Variants in RMDN2 observed in about 807,000 individuals in gnomAD.
RMDN2 encodes regulator of microtubule dynamics protein 2.
In RMDN2, 61 loss-of-function variants were observed where a neutral mutation model predicts 52.8. That is an observed-to-expected ratio of 1.16 (90% CI 0.94 to 1.43). The LOEUF (loss-of-function observed/expected upper bound fraction) is 1.43. Ranked by LOEUF, RMDN2 falls within the 40% of genes most tolerant of loss-of-function variation. The pLI, the probability that RMDN2 is intolerant of heterozygous loss-of-function variation, is 0.00. For synonymous variants in RMDN2, 180 were observed against 153.1 expected, an observed-to-expected ratio of 1.18 and a Z score of -1.30; for missense variants, 592 against 475.3, an observed-to-expected ratio of 1.25 and a Z score of -2.28.
chr2:38,043,866 T>C (rs1681111672), intron 10 of RMDN2, among the ~76,000 whole-genome samples: 1 of 152,084 alleles, frequency 6.6e-6, no homozygotes, highest in Non-Finnish European at 1.5e-5. Flanking sequence ...TTGATGCTAT[T>C]ATTACTTTGA....
intron 10 of RMDN2, among the ~76,000 whole-genome samples, chr2:38,039,091 C>CAG (rs1477113693): frequency 2.1e-4 from 22 of 104,112 alleles, no homozygotes; most frequent in Non-Finnish European, 4.2e-4. Context: ...CACACACACA[C>CAG]ACAGAGAGAG....
At chr2:38,022,295 T>A (rs138710074), downstream of RMDN2, among the ~76,000 whole-genome samples, 3 of 152,364 alleles carry the variant, frequency 2.0e-5, no homozygotes, top group African/African-American at 7.2e-5. Flanking sequence ...TAGAACATTA[T>A]GCCTACTCCA....
At chr2:37,931,743 A>G (rs1339117615) in intron 2 of RMDN2, among the ~76,000 whole-genome samples, 1 of 151,668 alleles carries the variant, frequency 6.6e-6, no homozygotes, top group Non-Finnish European at 1.5e-5. Context: ...ATGTGGGTTC[A>G]AGAAGGATTT....
downstream of RMDN2, among the ~76,000 whole-genome samples, chr2:38,020,500 G>T (rs975462730): frequency 1.3e-5 from 2 of 152,250 alleles, no homozygotes; most frequent in African/African-American, 4.8e-5. Flanking sequence ...TCAGCCTGCG[G>T]GGAGGTGTGC....
At chr2:38,046,154 A>C (rs1558585552) in intron 10 of RMDN2, among the ~76,000 whole-genome samples, 1 of 152,256 alleles carries the variant, frequency 6.6e-6, no homozygotes, top group Non-Finnish European at 1.5e-5. Flanking sequence ...CCACATGCAC[A>C]GAGAAGACAC....
rs188344192 is a variant in RMDN2, at chr2:37,976,393, C to T, written c.730+1079C>T. On this transcript the variant is annotated intron_variant, in intron 4 of 10. Transcript: ENST00000354545. ...AATCTTTTGAATTCTTCATTTATTC[C>T]GAAGGCTTCTCATTTCCAGGCTTTT... is the stretch of plus-strand genomic sequence containing the variant. The T allele has an allele frequency of 1.3e-4, 20 of 152,234 alleles. No homozygotes were observed. In the East Asian group the frequency reaches 1.9e-3, roughly 15 times the overall value. The allele number at this position is 152,234 out of a possible 1,614,324, so 9.4% of individuals were successfully genotyped here.
chr2:37,976,127 A>G (rs1253946025), intron 4 of RMDN2, among the ~76,000 whole-genome samples: 1 of 152,248 alleles, frequency 6.6e-6, no homozygotes, highest in Non-Finnish European at 1.5e-5. Flanking sequence ...AACCTTGTTA[A>G]AAACTCTGTT....
At chr2:38,038,038 G>A (rs1680702311) in intron 10 of RMDN2, among the ~76,000 whole-genome samples, 2 of 152,114 alleles carry the variant, frequency 1.3e-5, no homozygotes, top group African/African-American at 4.8e-5. Flanking sequence ...TGACCTCCGA[G>A]GCTCCTGCCA....
chr2:37,930,773 G>T (rs1444748172), intron 2 of RMDN2, among the ~76,000 whole-genome samples: 1 of 152,228 alleles, frequency 6.6e-6, no homozygotes, highest in African/African-American at 2.4e-5. Flanking sequence ...TCCAGAGACA[G>T]AGGGGAGAGT....
At chr2:38,019,680 G>T (rs1438118794), downstream of RMDN2, among the ~76,000 whole-genome samples, 3 of 152,250 alleles carry the variant, frequency 2.0e-5, no homozygotes, top group African/African-American at 2.4e-5. Flanking sequence ...TTTAATCAGA[G>T]AAATTATGTT....
At chr2:37,990,897 G>A (rs1453864924) in intron 6 of RMDN2, among the ~76,000 whole-genome samples, 2 of 152,204 alleles carry the variant, frequency 1.3e-5, no homozygotes, top group African/African-American at 4.8e-5. Flanking sequence ...ATATTTGTAA[G>A]CTCACCTCAG....
rs774014679 is a variant in RMDN2, at chr2:38,066,942, T to C, written c.1714-40T>C. On this transcript the variant is annotated intron_variant, in intron 10 of 10. Coordinates refer to the RMDN2 transcript ENST00000234195. ...CCACGCCAAAGTTTCAATGCCATTTTGTGCAATTTTTACTTCTTTTCCTGT... is the reference window on the plus strand; with the variant it reads ...CCACGCCAAAGTTTCAATGCCATTTCGTGCAATTTTTACTTCTTTTCCTGT... 3.7e-6 allele frequency: 6 copies of C among 1,612,038 alleles called. No individual in the cohort carries two copies. The South Asian group carries it at 6.6e-5, about 18-fold the overall frequency.
chr2:38,066,557 T>C (rs1358578166), intron 10 of RMDN2, among the ~76,000 whole-genome samples: 1 of 152,176 alleles, frequency 6.6e-6, no homozygotes, highest in Non-Finnish European at 1.5e-5. Context: ...CCAGTGAACT[T>C]CTGTTGCACT....
chr2:37,959,908 G>A (rs1014348613), intron 2 of RMDN2, among the ~76,000 whole-genome samples: 2 of 146,162 alleles, frequency 1.4e-5, no homozygotes, highest in African/African-American at 5.6e-5. Flanking sequence ...TATTCACCCA[G>A]TAGTGATTCA....
At chr2:38,047,447 C>G (rs1318981172) in intron 10 of RMDN2, among the ~76,000 whole-genome samples, 1 of 152,174 alleles carries the variant, frequency 6.6e-6, no homozygotes, top group Non-Finnish European at 1.5e-5. Flanking sequence ...AAAAAATGTA[C>G]TACTGATACA....
chr2:37,979,629 C>T (rs911425308), intron 4 of RMDN2, among the ~76,000 whole-genome samples: 1 of 152,058 alleles, frequency 6.6e-6, no homozygotes, highest in Admixed American at 6.6e-5. Flanking sequence ...TTCTAACTTT[C>T]CTAATTAAGT....
intron 10 of RMDN2, chr2:38,030,294 T>G (rs1408039760): frequency 6.6e-6 from 1 of 152,230 alleles, no homozygotes; most frequent in African/African-American, 2.4e-5. Context: ...CATATGAAGG[T>G]TAATCATTGT....
At chr2:37,991,075 A>G (rs1028062085) in intron 6 of RMDN2, 145 bp from the exon 7 acceptor site, 5 of 407,226 alleles carry the variant, frequency 1.2e-5, no homozygotes, top group South Asian at 1.0e-4. Context: ...TTAGTTATTG[A>G]TAAGATTTCA....
At chr2:37,983,467 T>C (rs763418301) in intron 5 of RMDN2, among the ~76,000 whole-genome samples, 18 of 152,224 alleles carry the variant, frequency 1.2e-4, no homozygotes, top group Non-Finnish European at 2.5e-4. Context: ...TTAAATCTTA[T>C]CAAAACACAG....
Sources: gnomAD v4.1 joint callset for allele counts (sites outside exome capture counted in the v4.1 genomes callset) on GRCh38, gnomAD v4.1.1 for gene constraint, MANE v1.5 for transcripts, NCBI Gene and HGNC (gene_info 2026-07-23, HGNC 2026-07-21) for gene names.